Variants in AGAP1 observed in about 807,000 individuals in gnomAD.
AGAP1 encodes arf-GAP with GTPase, ANK repeat and PH domain-containing protein 1.
In AGAP1, 29 loss-of-function variants were observed where a neutral mutation model predicts 105.3. That is an observed-to-expected ratio of 0.28 (90% confidence interval 0.21 to 0.38). The LOEUF (loss-of-function observed/expected upper bound fraction) is 0.38, where lower values mean the gene tolerates loss of function less well. AGAP1 is among the 10% of genes least tolerant of loss of function. The pLI, the probability that AGAP1 is intolerant of heterozygous loss-of-function variation, is 1.00. For synonymous variants in AGAP1, 509 were observed against 485.9 expected (o/e 1.05, Z -0.63); for missense variants, 998 against 1,165.1 (o/e 0.86, Z 2.09).
intron 9 of AGAP1, among the ~76,000 whole-genome samples, chr2:235,812,284 T>C (rs1029346075): frequency 6.6e-6 from 1 of 152,082 alleles, no homozygotes; most frequent in African/African-American, 2.4e-5. Flanking sequence ...GGAAAAGCCT[T>C]CCCAAGCTGT....
rs181973298 is a variant in AGAP1, at chr2:235,934,299, A to G, written c.1483+3376A>G. On this transcript the variant is annotated intron_variant, in intron 12 of 17. Coordinates refer to ENST00000304032, the MANE Select transcript of AGAP1 (RefSeq NM_001037131.3). This position sits in a 1 kb window ranked among gnomAD's most constrained non-coding sequence, Gnocchi z 4.9. ...GTCCTCACTTCCCAAAGCCTGGTCCACGGACCAAGTGGCATTTGACAGCTC... is the reference window on the plus strand; with the variant it reads ...GTCCTCACTTCCCAAAGCCTGGTCCGCGGACCAAGTGGCATTTGACAGCTC... Among the ~76,000 whole-genome samples, 2 of 152,310 alleles carry G rather than the reference A, an allele frequency of 1.3e-5. No individual in the cohort carries two copies. Among genetic ancestry groups the G allele is most frequent in the East Asian group, 3.9e-4 (2 of 5,166 alleles).
chr2:235,621,051 C>A lies in AGAP1; in HGVS notation c.164-88128C>A, dbSNP rs528696283. Among the ~76,000 whole-genome samples, 3 of 152,068 alleles carry A rather than the reference C, an allele frequency of 2.0e-5. No homozygotes were observed. The highest frequency in any genetic ancestry group is 7.2e-5 in the African/African-American group (3 of 41,400). ...TTTCCTTTTTTTGGAGACCCAGTCT[C>A]GCTCTTGTCTCCCAGGCTGGAGTAC... On this transcript the variant is annotated intron_variant, in intron 1 of 17. Transcript: ENST00000304032. The surrounding 1 kb of genome is among the most constrained non-coding windows in gnomAD (Gnocchi z 4.1).
rs1574866827 is a variant in AGAP1, at chr2:235,569,786, A to G, written c.163+74937A>G. Reference sequence around the variant, plus strand: ...TGAGACCGAGCCTTGGGTAGTTTTTATTTCTTAGGCTCTCTGGAGTTCTCC... The same window carrying G: ...TGAGACCGAGCCTTGGGTAGTTTTTGTTTCTTAGGCTCTCTGGAGTTCTCC... On this transcript the variant is annotated intron_variant, in intron 1 of 17. Coordinates refer to ENST00000304032, the MANE Select transcript of AGAP1 (RefSeq NM_001037131.3). The surrounding 1 kb of genome is among the most constrained non-coding windows in gnomAD (Gnocchi z 5.9). Among the ~76,000 whole-genome samples the G allele has an allele frequency of 6.6e-6, 1 of 152,058 alleles. No homozygotes were observed. Among genetic ancestry groups the G allele is most frequent in the East Asian group, 1.9e-4 (1 of 5,180 alleles).
chr2:235,881,796 T>G (rs187397069), intron 9 of AGAP1, among the ~76,000 whole-genome samples: 42 of 152,380 alleles, frequency 2.8e-4, no homozygotes, highest in African/African-American at 9.9e-4. Context: ...AAGACTGGAT[T>G]AAACATGACT....
intron 13 of AGAP1, among the ~76,000 whole-genome samples, chr2:236,004,483 A>G (rs1274684665): frequency 1.3e-5 from 2 of 152,204 alleles, no homozygotes; most frequent in Non-Finnish European, 2.9e-5. Flanking sequence ...TGTTAAAAGC[A>G]AAAATAATAA....
rs531924131 is a variant in AGAP1, at chr2:236,076,219, G to C, written c.2114+26938G>C. ...AATCCCAGCACTTTGAGAGGCCAAA[G>C]TGGGTGGATCACTTGAGGTCAGGAG... On this transcript the variant is annotated intron_variant, in intron 16 of 17. Transcript: ENST00000304032. The surrounding 1 kb of genome is among the most constrained non-coding windows in gnomAD (Gnocchi z 4.4). Among the ~76,000 whole-genome samples, 1 of 152,326 alleles carries C rather than the reference G, an allele frequency of 6.6e-6. No homozygotes were observed. Among genetic ancestry groups the C allele is most frequent in the East Asian group, 1.9e-4 (1 of 5,172 alleles).
chr2:235,692,644 G>A lies in AGAP1; in HGVS notation c.164-16535G>A, dbSNP rs1221328996. Among the ~76,000 whole-genome samples, 1 of 151,770 alleles carries A rather than the reference G, an allele frequency of 6.6e-6. No homozygotes were observed. Among genetic ancestry groups the A allele is most frequent in the Non-Finnish European group, 1.5e-5 (1 of 67,982 alleles). The stretch of plus-strand genomic sequence containing the variant: ...GCCTAGCCAGTGGGTTCCCCTCGCT[G>A]ACCCTCAGCCCTCAGGCCCAGCACC... On this transcript the variant is annotated intron_variant, in intron 1 of 17. Transcript: ENST00000304032. The surrounding 1 kb of genome is among the most constrained non-coding windows in gnomAD (Gnocchi z 5.8).
intron 1 of AGAP1, among the ~76,000 whole-genome samples, chr2:235,554,840 TTG>T (rs1943924271): frequency 6.6e-6 from 1 of 152,150 alleles, no homozygotes; most frequent in Non-Finnish European, 1.5e-5. Context: ...TGACTAATTT[TTG>T]TGTTTTTAGT....
chr2:235,765,936 G>A (rs1954914626), intron 6 of AGAP1, among the ~76,000 whole-genome samples: 1 of 152,192 alleles, frequency 6.6e-6, no homozygotes, highest in Admixed American at 6.5e-5. Flanking sequence ...AGAGCTGGAA[G>A]GACAGAGACC....
chr2:235,685,549 A>G (rs960382318), intron 1 of AGAP1, among the ~76,000 whole-genome samples: 2 of 151,126 alleles, frequency 1.3e-5, no homozygotes, highest in African/African-American at 4.9e-5. Context: ...TGCTATGAAG[A>G]CCAGAGGCCC....
rs191720557 is a variant in AGAP1 at position 235,551,064 on chromosome 2, G to A, written c.163+56215G>A. On this transcript the variant is annotated intron_variant, in intron 1 of 17. Transcript: ENST00000304032. This position sits in a 1 kb window ranked among gnomAD's most constrained non-coding sequence, Gnocchi z 4.8. ...GCTGGGATTACAGGCGTGAGCCACC[G>A]CGCTCGGCCATAGATAGTGTTTCTT... 1.2e-4 allele frequency among the ~76,000 whole-genome samples: 18 copies of A among 152,114 alleles called. No homozygotes were observed. The highest frequency in any genetic ancestry group is 3.4e-3 in the Middle Eastern group (1 of 292).
chr2:235,959,100 C>T lies in AGAP1; in HGVS notation c.1484-9362C>T, dbSNP rs1314730642. On this transcript the variant is annotated intron_variant, in intron 12 of 17. Transcript: ENST00000304032. This position sits in a 1 kb window ranked among gnomAD's most constrained non-coding sequence, Gnocchi z 7.3. ...CCGGTTTAGATGTGGAGTAATGAGGCGCTCGCTTTTTTAATTTGGCATGGC... is the reference window on the plus strand; with the variant it reads ...CCGGTTTAGATGTGGAGTAATGAGGTGCTCGCTTTTTTAATTTGGCATGGC... Among the ~76,000 whole-genome samples, 1 of 152,124 alleles carries T rather than the reference C, an allele frequency of 6.6e-6. No individual in the cohort carries two copies. Among genetic ancestry groups the T allele is most frequent in the Non-Finnish European group, 1.5e-5 (1 of 68,040 alleles).
intron 1 of AGAP1, among the ~76,000 whole-genome samples, chr2:235,708,411 A>G (rs977829435): frequency 1.3e-5 from 2 of 152,146 alleles, no homozygotes; most frequent in Non-Finnish European, 2.9e-5. Context: ...AGGTAAAGCC[A>G]TGGTCGTTTG....
chr2:235,670,712 T>A, intron 1 of AGAP1: 1 of 786,876 alleles, frequency 1.3e-6, no homozygotes, highest in South Asian at 1.5e-5. Context: ...GCAGCCCGCC[T>A]CGGAGAAGCG....
chr2:235,789,130 T>A lies in AGAP1; in HGVS notation c.674-8629T>A, dbSNP rs1956823443. ...CCCTTTACCACAAATAACTACTTTA[T>A]ACCAGAATTGGATACACATATTAAA... On this transcript the variant is annotated intron_variant, in intron 6 of 17. Coordinates refer to ENST00000304032, the MANE Select transcript of AGAP1 (RefSeq NM_001037131.3). This position sits in a 1 kb window ranked among gnomAD's most constrained non-coding sequence, Gnocchi z 4.2. Among the ~76,000 whole-genome samples, 1 of 152,254 alleles carries A rather than the reference T, an allele frequency of 6.6e-6. No homozygotes were observed. Among genetic ancestry groups the A allele is most frequent in the Non-Finnish European group, 1.5e-5 (1 of 68,046 alleles).
intron 9 of AGAP1, among the ~76,000 whole-genome samples, chr2:235,820,034 G>C (rs952667522): frequency 6.6e-6 from 1 of 151,766 alleles, no homozygotes; most frequent in Middle Eastern, 3.4e-3. Flanking sequence ...CTCCCGGCTA[G>C]CTGAGATTAC....
At chr2:235,731,203 TGTG>T (rs1179957569) in intron 3 of AGAP1, among the ~76,000 whole-genome samples, 7 of 152,144 alleles carry the variant, frequency 4.6e-5, no homozygotes, top group Non-Finnish European at 7.3e-5. Context: ...CACAGGCCCT[TGTG>T]GTGTAGTTGC....
chr2:235,588,038 T>TCC, intron 1 of AGAP1, among the ~76,000 whole-genome samples: 1 of 152,076 alleles, frequency 6.6e-6, no homozygotes, highest in Admixed American at 6.5e-5. Flanking sequence ...GAGACCAGCC[T>TCC]TACCAAGATA....
rs150303683 is a variant in AGAP1 at position 236,009,282 on chromosome 2, C to T, written c.1646-27279C>T. The stretch of plus-strand genomic sequence containing the variant: ...ACAAAAGAAATCCCCAATCTCTAAC[C>T]TCACAATGAAATCGCCACGGACAAA... On this transcript the variant is annotated intron_variant, in intron 13 of 17. Transcript: ENST00000304032. This position sits in a 1 kb window ranked among gnomAD's most constrained non-coding sequence, Gnocchi z 4.2. Among the ~76,000 whole-genome samples, 2 of 152,182 alleles carry T rather than the reference C, an allele frequency of 1.3e-5. No homozygotes were observed. Among genetic ancestry groups the T allele is most frequent in the African/African-American group, 2.4e-5 (1 of 41,438 alleles).
Sources: gnomAD v4.1 joint callset for allele counts (sites outside exome capture counted in the v4.1 genomes callset) on GRCh38, gnomAD v4.1.1 for gene constraint, Gnocchi (gnomAD v3.1) non-coding constraint, MANE v1.5 for transcripts, NCBI Gene and HGNC (gene_info 2026-07-23, HGNC 2026-07-21) for gene names.